Variants in LRGUK observed in about 807,000 individuals in gnomAD.
LRGUK encodes leucine rich repeats and guanylate kinase domain containing.
LRGUK carries 65 observed loss-of-function variants against 76.0 expected under a neutral mutation model. That is an observed-to-expected ratio of 0.85 (90% confidence interval 0.70 to 1.05). LRGUK has a LOEUF of 1.05. LRGUK is among the 50% of genes least tolerant of loss of function. The pLI is 0.00. For synonymous variants in LRGUK, 268 were observed against 265.6 expected, an observed-to-expected ratio of 1.01 and a Z score of -0.09; for missense variants, 758 against 732.8, an observed-to-expected ratio of 1.03 and a Z score of -0.40.
the LRGUK span, among the ~76,000 whole-genome samples, chr7:134,274,393 C>A: frequency 6.6e-6 from 1 of 151,936 alleles, no homozygotes; most frequent in Non-Finnish European, 1.5e-5. Flanking sequence ...TATTGATGTT[C>A]TTTTTGCCTT....
intron 10 of LRGUK, among the ~76,000 whole-genome samples, chr7:134,180,139 T>C (rs1186764994): frequency 6.6e-6 from 1 of 152,210 alleles, no homozygotes; most frequent in Non-Finnish European, 1.5e-5. Context: ...GGAATCAGCC[T>C]TTTCTGCAAG....
At chr7:134,211,562 A>C (rs1801272951), downstream of LRGUK, among the ~76,000 whole-genome samples, 1 of 152,196 alleles carries the variant, frequency 6.6e-6, no homozygotes, top group Non-Finnish European at 1.5e-5. Flanking sequence ...AATGCTTCAG[A>C]TTTGTCTTGG....
At chr7:134,195,187 C>T (rs1179521698) in intron 12 of LRGUK, among the ~76,000 whole-genome samples, 1 of 152,106 alleles carries the variant, frequency 6.6e-6, no homozygotes, top group Non-Finnish European at 1.5e-5. Context: ...TACAAAATAT[C>T]TCAAGCACTG....
At chr7:134,250,879 G>A (rs1231185642) in intron 18 of LRGUK, among the ~76,000 whole-genome samples, 1 of 152,162 alleles carries the variant, frequency 6.6e-6, no homozygotes, top group African/African-American at 2.4e-5. Context: ...AAAGGGGTCA[G>A]GCCTGTGGCT....
intron 16 of LRGUK, among the ~76,000 whole-genome samples, chr7:134,242,810 T>C (rs551430770): frequency 1.3e-5 from 2 of 152,184 alleles, no homozygotes; most frequent in East Asian, 3.9e-4. Context: ...CTCAGTAAAA[T>C]ACTGGCAAAC....
the LRGUK span, among the ~76,000 whole-genome samples, chr7:134,274,724 C>A: frequency 3.3e-5 from 5 of 152,104 alleles, no homozygotes; most frequent in African/African-American, 1.2e-4. Context: ...GAAAAGAGTC[C>A]TTTTTGTTTC....
intron 12 of LRGUK, among the ~76,000 whole-genome samples, chr7:134,192,382 CTATGTTTTTACAAGGTCAAGGTAAT>C (rs1800292959): frequency 6.6e-6 from 1 of 152,144 alleles, no homozygotes; most frequent in African/African-American, 2.4e-5. Flanking sequence ...TCTTTGAGGA[CTATGTTTTTACAAGGTCAAGGTAAT>C]TACCATGCAT....
chr7:134,265,322 C>A (rs540477646), downstream of LRGUK, among the ~76,000 whole-genome samples: 1 of 152,138 alleles, frequency 6.6e-6, no homozygotes, highest in Non-Finnish European at 1.5e-5. Context: ...CCGAATACAG[C>A]TAAAACCCTG....
chr7:134,133,973 G>C (rs73454649), intron 1 of LRGUK, among the ~76,000 whole-genome samples: 20,545 of 151,794 alleles, frequency 0.14, 1,715 homozygotes, highest in East Asian at 0.33. Flanking sequence ...GAGGTGGGAG[G>C]ATGACTTGAG....
intron 7 of LRGUK, among the ~76,000 whole-genome samples, chr7:134,169,880 T>C (rs536601683): frequency 6.6e-6 from 1 of 152,246 alleles, no homozygotes; most frequent in South Asian, 2.1e-4. Flanking sequence ...GATAGATTCT[T>C]GGAAATACCA....
At chr7:134,210,184 C>T (rs933959333) in exon 16 of LRGUK, 9 of 399,336 alleles carry the variant, frequency 2.3e-5, no homozygotes, top group Admixed American at 8.8e-5. Context: ...TAGAACCCCA[C>T]GATCAGCCAG....
intron 16 of LRGUK, among the ~76,000 whole-genome samples, chr7:134,243,196 C>T (rs1477896227): frequency 6.6e-6 from 1 of 152,142 alleles, no homozygotes; most frequent in African/African-American, 2.4e-5. Context: ...GTTGGAAGTT[C>T]TGGCCAGGGC....
chr7:134,267,477 C>T (rs925875536), downstream of LRGUK, among the ~76,000 whole-genome samples: 1 of 152,138 alleles, frequency 6.6e-6, no homozygotes, highest in African/African-American at 2.4e-5. Flanking sequence ...ATTGTAGCTC[C>T]CATAATTCCC....
At chr7:134,235,992 A>T (rs556123429) in intron 16 of LRGUK, among the ~76,000 whole-genome samples, 1 of 152,210 alleles carries the variant, frequency 6.6e-6, no homozygotes. Flanking sequence ...TTTTAGTAAG[A>T]TATTAATAGG....
rs1797678511 is a variant in LRGUK, at chr7:134,139,518, G to A, written c.487+1G>A. On this transcript the variant is annotated splice_donor_variant, in intron 3 of 15. Coordinates refer to ENST00000645682, the Ensembl canonical transcript of LRGUK. LOFTEE classifies it high-confidence loss of function. ...GATCTTTCAGCGAATAAAATTGAAG[G>A]TATGTAATTGTCATTCTAGATTGAT... 3 of 1,576,564 alleles carry A rather than the reference G, an allele frequency of 1.9e-6. No homozygotes were observed. Among genetic ancestry groups the A allele is most frequent in the East Asian group, 2.2e-5 (1 of 44,512 alleles).
intron 16 of LRGUK, among the ~76,000 whole-genome samples, chr7:134,232,950 GTAATTT>G (rs1365812331): frequency 2.0e-5 from 3 of 152,062 alleles, no homozygotes; most frequent in African/African-American, 7.2e-5. Flanking sequence ...AACTGTAAAT[GTAATTT>G]TAATCAGCCT....
intron 6 of LRGUK, among the ~76,000 whole-genome samples, chr7:134,159,597 T>A (rs979314602): frequency 1.3e-5 from 2 of 152,136 alleles, no homozygotes; most frequent in Non-Finnish European, 2.9e-5. Flanking sequence ...AAGACCAGCC[T>A]GGCCAAGATG....
chr7:134,215,315 G>A (rs1307422632), intron 15 of LRGUK, among the ~76,000 whole-genome samples: 1 of 151,650 alleles, frequency 6.6e-6, no homozygotes, highest in Non-Finnish European at 1.5e-5. Context: ...TTCTGGTTGT[G>A]GCCTCCTAAA....
chr7:134,145,734 T>G (rs1200774785), intron 4 of LRGUK, among the ~76,000 whole-genome samples: 2 of 152,216 alleles, frequency 1.3e-5, no homozygotes, highest in African/African-American at 4.8e-5. Context: ...CAGGCTCATG[T>G]ACTATGCTCC....
Sources: gnomAD v4.1 joint callset for allele counts (sites outside exome capture counted in the v4.1 genomes callset) on GRCh38, gnomAD v4.1.1 for gene constraint, MANE v1.5 for transcripts, NCBI Gene and HGNC (gene_info 2026-07-23, HGNC 2026-07-21) for gene names.